CPNE4: variants seen among roughly 807,000 people sequenced by gnomAD.
The protein encoded by CPNE4 is copine 4, also known as copine-4.
Under a neutral mutation model 67.9 loss-of-function variants are expected in CPNE4, and 25 were observed. The observed-to-expected ratio is 0.37, with a 90% CI of 0.27 to 0.51. The LOEUF (loss-of-function observed/expected upper bound fraction) is 0.51. Among genes scored for constraint, CPNE4 ranks in the 20% least tolerant of loss-of-function variants. The pLI is 0.93. For synonymous variants in CPNE4, 242 were observed against 244.9 expected (o/e 0.99, Z 0.11); for missense variants, 464 against 690.8 (o/e 0.67, Z 3.68).
chr3:131,781,934 G>A (rs1348155502), intron 2 of CPNE4, among the ~76,000 whole-genome samples: 3 of 152,094 alleles, frequency 2.0e-5, no homozygotes, highest in Non-Finnish European at 4.4e-5. Flanking sequence ...CCACCTCTAA[G>A]TGTCTACTGC....
intron 3 of CPNE4, among the ~76,000 whole-genome samples, chr3:131,715,888 T>G (rs1476681062): frequency 6.6e-6 from 1 of 152,182 alleles, no homozygotes; most frequent in East Asian, 1.9e-4. Context: ...GGGGCTTAGC[T>G]CCTTGATTTC....
intron 1 of CPNE4, among the ~76,000 whole-genome samples, chr3:132,030,592 G>C (rs1389168206): frequency 6.6e-6 from 1 of 152,164 alleles, no homozygotes; most frequent in Non-Finnish European, 1.5e-5. Flanking sequence ...TTATTTTTGA[G>C]ACTTGCCTTC....
intron 7 of CPNE4, among the ~76,000 whole-genome samples, chr3:131,588,716 C>G (rs906668854): frequency 6.6e-6 from 1 of 152,112 alleles, no homozygotes; most frequent in Non-Finnish European, 1.5e-5. Flanking sequence ...TGCATCAACA[C>G]TCATTCAGTT....
In CPNE4 at chr3:131,723,632, G is replaced by C. The variant is rs781064508; in HGVS notation, c.181-7C>G. The C allele has an allele frequency of 9.3e-6, 15 of 1,606,404 alleles. No homozygotes were observed. The highest frequency in any genetic ancestry group is 1.7e-5 in the Admixed American group (1 of 59,390). On this transcript the variant is annotated splice_polypyrimidine_tract_variant and splice_region_variant and intron_variant, in intron 2 of 15. Coordinates refer to ENST00000429747, the MANE Select transcript of CPNE4 (RefSeq NM_130808.3). ...TCACCTCAGTCCTGTCAACCTGCAA[G>C]GAGAAAGAGAAAACCTATCAGAGAT...
intron 1 of CPNE4, among the ~76,000 whole-genome samples, chr3:132,001,211 T>C (rs2073421958): frequency 6.6e-6 from 1 of 152,058 alleles, no homozygotes; most frequent in Non-Finnish European, 1.5e-5. Flanking sequence ...TTTCCTTTGC[T>C]GGCTAGAGAA....
chr3:131,689,226 C>A (rs1175662224), intron 5 of CPNE4, among the ~76,000 whole-genome samples: 1 of 152,162 alleles, frequency 6.6e-6, no homozygotes, highest in Non-Finnish European at 1.5e-5. Context: ...GAGTATCAAC[C>A]TTTGCCTCAT....
intron 2 of CPNE4, among the ~76,000 whole-genome samples, chr3:131,810,549 G>A (rs769154118): frequency 5.9e-5 from 9 of 152,050 alleles, no homozygotes; most frequent in Non-Finnish European, 1.3e-4. Context: ...TGTTAGTGAG[G>A]ATTTGGCAGA....
chr3:131,942,972 C>A (rs60717789), intron 1 of CPNE4, among the ~76,000 whole-genome samples: 2,134 of 152,252 alleles, frequency 0.014, 49 homozygotes, highest in African/African-American at 0.049. Context: ...CTATCTATTC[C>A]TCCATTTCCA....
In CPNE4 at chr3:131,741,296, G is replaced by T. The variant is rs919774980; in HGVS notation, c.181-17671C>A. Reference sequence around the variant, plus strand: ...GGGTTAGTCAGAATGGATGATTGTTGTAAACAACCAAGATAGGTATACCAG... The same window carrying T: ...GGGTTAGTCAGAATGGATGATTGTTTTAAACAACCAAGATAGGTATACCAG... On this transcript the variant is annotated intron_variant, in intron 2 of 15. Transcript: ENST00000429747. Among the ~76,000 whole-genome samples the T allele has an allele frequency of 2.0e-5, 3 of 152,240 alleles. No individual in the cohort carries two copies. The East Asian group carries it at 5.8e-4, about 29-fold the overall frequency.
Position 131,564,337 on chromosome 3 carries a change from A to C in CPNE4, c.940T>G (p.Phe314Val). Residue 314 changes from phenylalanine (F) to valine (V), a missense_variant, in exon 11 of 16, where the codon TTC (phenylalanine) becomes GTC (valine). Coordinates refer to ENST00000429747, the MANE Select transcript of CPNE4 (RefSeq NM_130808.3). The stretch of plus-strand genomic sequence containing the variant: ...CTGGGGTCCCCGTTTGAGGCAGTGA[A>C]ATCTATAGCTACCTAAAAGAGAAAA... ...CQIQFTVAID[F>V]TASNGDPRNS... The C allele has an allele frequency of 6.2e-7, 1 of 1,611,634 alleles. No individual in the cohort carries two copies. Among genetic ancestry groups the C allele is most frequent in the Non-Finnish European group, 8.5e-7 (1 of 1,178,886 alleles).
At chr3:131,957,996 T>C (rs2072027692) in intron 1 of CPNE4, among the ~76,000 whole-genome samples, 1 of 152,180 alleles carries the variant, frequency 6.6e-6, no homozygotes. Context: ...AAAGAATACC[T>C]GAGAGTTTGA....
chr3:131,773,674 G>GA (rs1000435960), intron 2 of CPNE4, among the ~76,000 whole-genome samples: 212 of 148,882 alleles, frequency 1.4e-3, no homozygotes, highest in African/African-American at 3.6e-3. Context: ...AGACTTAAAT[G>GA]AAAAAAAAAA....
At chr3:132,001,479 T>A (rs2073429945) in intron 1 of CPNE4, among the ~76,000 whole-genome samples, 1 of 150,442 alleles carries the variant, frequency 6.6e-6, no homozygotes, top group Non-Finnish European at 1.5e-5. Context: ...AGCCTGCTGT[T>A]ATGGACTGTA....
At chr3:131,605,301 C>T (rs1452060666) in intron 7 of CPNE4, among the ~76,000 whole-genome samples, 1 of 151,840 alleles carries the variant, frequency 6.6e-6, no homozygotes, top group South Asian at 2.1e-4. Flanking sequence ...ATTTTAGGTG[C>T]AGCTTTGTTA....
chr3:132,013,784 T>C (rs141674212), intron 1 of CPNE4, among the ~76,000 whole-genome samples: 23 of 152,314 alleles, frequency 1.5e-4, no homozygotes, highest in African/African-American at 5.5e-4. Flanking sequence ...TTATTCCATA[T>C]TGACAAATAG....
chr3:131,776,930 C>T (rs539483524), intron 2 of CPNE4, among the ~76,000 whole-genome samples: 274 of 152,230 alleles, frequency 1.8e-3, no homozygotes, highest in African/African-American at 6.2e-3. Flanking sequence ...TAAGGTATGA[C>T]AGGGCAATTC....
chr3:132,030,531 A>G (rs2074215528), intron 1 of CPNE4, among the ~76,000 whole-genome samples: 1 of 152,224 alleles, frequency 6.6e-6, no homozygotes, highest in South Asian at 2.1e-4. Flanking sequence ...CTATGACTAA[A>G]ATAATAGGAC....
At chr3:132,033,600 T>C (rs2074286643) in intron 1 of CPNE4, among the ~76,000 whole-genome samples, 1 of 152,192 alleles carries the variant, frequency 6.6e-6, no homozygotes. Context: ...CCTGTGACTT[T>C]CCCTGGAGCC....
At chr3:131,982,558 G>A (rs1296920509) in intron 1 of CPNE4, among the ~76,000 whole-genome samples, 2 of 152,164 alleles carry the variant, frequency 1.3e-5, no homozygotes, top group Non-Finnish European at 2.9e-5. Context: ...ACCAGGATTA[G>A]TGTTTACGGT....
Sources: gnomAD v4.1 joint callset for allele counts (sites outside exome capture counted in the v4.1 genomes callset) on GRCh38, gnomAD v4.1.1 for gene constraint, MANE v1.5 for transcripts, NCBI Gene and HGNC (gene_info 2026-07-23, HGNC 2026-07-21) for gene names.